Variants in SUPT3H observed in about 807,000 individuals in gnomAD.
SUPT3H encodes the protein transcription initiation protein SPT3 homolog.
In SUPT3H, 44 loss-of-function variants were observed where a neutral mutation model predicts 44.3. That is an observed-to-expected ratio of 0.99 (90% CI 0.78 to 1.28). The LOEUF (loss-of-function observed/expected upper bound fraction) is 1.28. Among genes scored for constraint, SUPT3H ranks in the 50% most tolerant of loss-of-function variants. SUPT3H has a pLI of 0.00. For missense variants in SUPT3H, 380 were observed against 387.1 expected, an observed-to-expected ratio of 0.98 and a Z score of 0.15; for synonymous variants, 124 against 125.6, an observed-to-expected ratio of 0.99 and a Z score of 0.09.
At chr6:45,209,325 G>A (rs1763717171) in intron 2 of SUPT3H, among the ~76,000 whole-genome samples, 1 of 152,156 alleles carries the variant, frequency 6.6e-6, no homozygotes, top group African/African-American at 2.4e-5. Flanking sequence ...AAAGTAAGTT[G>A]AAACCCTCTG....
At chr6:44,970,636 A>G (rs993088903) in intron 6 of SUPT3H, among the ~76,000 whole-genome samples, 3 of 151,796 alleles carry the variant, frequency 2.0e-5, no homozygotes, top group Non-Finnish European at 4.4e-5. Flanking sequence ...CTAGTTTAAT[A>G]TGTATAAAAT....
In SUPT3H at chr6:45,180,449, G is replaced by A. The variant is rs1443110255; in HGVS notation, c.102-74443C>T. On this transcript the variant is annotated intron_variant, in intron 2 of 10. Transcript: ENST00000371459. ...AAAAGAACAAAGCTGGAGGCATCAC[G>A]CTACCTGACTTCAAACTATACTACA... 5.5e-3 allele frequency among the ~76,000 whole-genome samples: 814 copies of A among 148,150 alleles called. 5 individuals carry two copies. Among genetic ancestry groups the A allele is most frequent in the Middle Eastern group, 0.028 (8 of 284 alleles).
At chr6:44,856,576 A>G (rs1270003494) in intron 10 of SUPT3H, among the ~76,000 whole-genome samples, 2 of 152,144 alleles carry the variant, frequency 1.3e-5, no homozygotes, top group African/African-American at 2.4e-5. Context: ...TATTTTTCCA[A>G]TTCTCTAACA....
chr6:45,271,576 G>C (rs964508378), intron 2 of SUPT3H, among the ~76,000 whole-genome samples: 9 of 152,182 alleles, frequency 5.9e-5, no homozygotes, highest in Non-Finnish European at 1.5e-5. Context: ...GTAATGCCTG[G>C]ATACCCACGC....
At chr6:45,356,459 G>A (rs542597639) in intron 2 of SUPT3H, among the ~76,000 whole-genome samples, 219 of 151,048 alleles carry the variant, frequency 1.4e-3, no homozygotes, top group Non-Finnish European at 2.7e-3. Flanking sequence ...GTGCAGTGGC[G>A]CAATCTCAGC....
chr6:45,313,014 TTAAA>T (rs1784196674), intron 2 of SUPT3H, among the ~76,000 whole-genome samples: 1 of 151,978 alleles, frequency 6.6e-6, no homozygotes, highest in Non-Finnish European at 1.5e-5. Flanking sequence ...TACATGGAAA[TTAAA>T]TAACCTGCTC....
chr6:45,006,734 C>T lies in SUPT3H; in HGVS notation c.365-2942G>A, dbSNP rs1170410448. Reference sequence around the variant, plus strand: ...ATAGACCTTTGAAAAATTTTTACTTCACCCCTTCTCCATCTCTAAACTTTT... The same window carrying T: ...ATAGACCTTTGAAAAATTTTTACTTTACCCCTTCTCCATCTCTAAACTTTT... On this transcript the variant is annotated intron_variant, in intron 5 of 10. Coordinates refer to ENST00000371459, the MANE Select transcript of SUPT3H (RefSeq NM_003599.4). Among the ~76,000 whole-genome samples, 4 of 152,196 alleles carry T rather than the reference C, an allele frequency of 2.6e-5. No homozygotes were observed. The East Asian group carries it at 5.8e-4, about 22-fold the overall frequency.
intron 2 of SUPT3H, among the ~76,000 whole-genome samples, chr6:45,260,125 T>G (rs760054084): frequency 6.6e-6 from 1 of 152,288 alleles, no homozygotes; most frequent in South Asian, 2.1e-4. Flanking sequence ...TAAAATAAAC[T>G]TATGTTACAT....
At chr6:45,297,362 A>G (rs776551328) in intron 2 of SUPT3H, among the ~76,000 whole-genome samples, 4 of 152,226 alleles carry the variant, frequency 2.6e-5, no homozygotes, top group Non-Finnish European at 5.9e-5. Context: ...ACTGTCTCAT[A>G]GGCATAACAA....
intron 2 of SUPT3H, among the ~76,000 whole-genome samples, chr6:45,152,344 A>C (rs964282606): frequency 6.6e-6 from 1 of 152,104 alleles, no homozygotes; most frequent in African/African-American, 2.4e-5. Flanking sequence ...TCCACAATGC[A>C]ATCAATTTTC....
At chr6:44,864,168 T>C (rs1775107237) in intron 10 of SUPT3H, among the ~76,000 whole-genome samples, 1 of 152,204 alleles carries the variant, frequency 6.6e-6, no homozygotes, top group Non-Finnish European at 1.5e-5. Context: ...CCAAGTCTTA[T>C]CTGAGACAAG....
rs908511152 is a variant in SUPT3H at position 45,171,499 on chromosome 6, T to G, written c.102-65493A>C. Among the ~76,000 whole-genome samples, 13 of 152,144 alleles carry G rather than the reference T, an allele frequency of 8.5e-5. 1 individual carries two copies. Among genetic ancestry groups the G allele is most frequent in the African/African-American group, 2.9e-4 (12 of 41,440 alleles). ...ACACAGAAATCAGTACATGCTATTT[T>G]TAATCAAAACCCAAAACCACCATGG... On this transcript the variant is annotated intron_variant, in intron 2 of 10. Transcript: ENST00000371459.
At chr6:45,310,355 C>T (rs1257113124) in intron 2 of SUPT3H, among the ~76,000 whole-genome samples, 1 of 152,108 alleles carries the variant, frequency 6.6e-6, no homozygotes, top group Non-Finnish European at 1.5e-5. Flanking sequence ...ACCTGGTAGC[C>T]AAAGACAAAG....
intron 10 of SUPT3H, among the ~76,000 whole-genome samples, chr6:44,854,817 ACTTT>A: frequency 6.6e-6 from 1 of 152,322 alleles, no homozygotes; most frequent in Middle Eastern, 3.4e-3. Flanking sequence ...TAAACTAAAG[ACTTT>A]CTTACAGAAT....
intron 6 of SUPT3H, among the ~76,000 whole-genome samples, chr6:44,985,810 CCTCTA>C (rs1450110559): frequency 6.6e-6 from 1 of 152,182 alleles, no homozygotes; most frequent in African/African-American, 2.4e-5. Flanking sequence ...AACTACTTTA[CCTCTA>C]CTCTTTGCCA....
intron 2 of SUPT3H, among the ~76,000 whole-genome samples, chr6:45,143,602 A>G (rs1805585347): frequency 6.6e-6 from 1 of 152,164 alleles, no homozygotes; most frequent in Non-Finnish European, 1.5e-5. Flanking sequence ...AATAGTCTGA[A>G]AGAGCACAAA....
At position 44,866,142 on chromosome 6, in the gene SUPT3H, G is replaced by A. The variant is rs370629641; in HGVS notation, c.913-36285C>T. Reference sequence around the variant, plus strand: ...TTTTTTTTTTTAAGCAAAGTAGATTGCCTGTCTAAGAGTCACAGGGGCAAA... The same window carrying A: ...TTTTTTTTTTTAAGCAAAGTAGATTACCTGTCTAAGAGTCACAGGGGCAAA... On this transcript the variant is annotated intron_variant, in intron 10 of 10. Transcript: ENST00000371459. Among the ~76,000 whole-genome samples the A allele has an allele frequency of 1.3e-4, 18 of 138,686 alleles. No homozygotes were observed. In the East Asian group the frequency reaches 3.2e-3, roughly 25 times the overall value. The allele number at this position is 138,686 out of a possible 152,430, so 91.0% of individuals were successfully genotyped here. A position where few individuals can be genotyped will look rare whatever the true frequency, so the allele number is the denominator to read the frequency against.
chr6:44,954,651 A>G, intron 7 of SUPT3H, 44 bp from the exon 8 acceptor site: 1 of 1,267,144 alleles, frequency 7.9e-7, no homozygotes, highest in Non-Finnish European at 1.2e-6. Flanking sequence ...TAATTTTTAA[A>G]GTGTTTTAAT....
At chr6:45,209,549 G>A (rs1298024516) in intron 2 of SUPT3H, among the ~76,000 whole-genome samples, 1 of 152,204 alleles carries the variant, frequency 6.6e-6, no homozygotes, top group East Asian at 1.9e-4. Context: ...TGTGACTAAA[G>A]TGCTGCAATC....
Sources: allele counts gnomAD v4.1 joint callset (sites outside exome capture counted in the v4.1 genomes callset), GRCh38; gene constraint gnomAD v4.1.1; transcripts MANE v1.5; gene names NCBI Gene and HGNC (gene_info 2026-07-23, HGNC 2026-07-21).